The following HIRA variants were observed in gnomAD, a reference collection of about 807,000 sequenced individuals.
HIRA encodes histone cell cycle regulator.
HIRA carries 13 observed loss-of-function variants against 126.6 expected under a neutral mutation model. The ratio of observed to expected loss-of-function variants is 0.10; its 90% CI spans 0.07 to 0.16. The LOEUF is 0.16. Ranked by LOEUF, HIRA falls within the 10% of genes least tolerant of loss-of-function variation. The probability of loss-of-function intolerance (pLI) is 1.00; values close to 1 mark genes in which losing one functional copy is unlikely to be tolerated. For missense variants in HIRA, 834 were observed against 1,314.4 expected (o/e 0.63, Z 5.65); for synonymous variants, 511 against 520.0 (o/e 0.98, Z 0.24).
chr22:19,375,228 C>A (rs1569299745), intron 15 of HIRA, among the ~76,000 whole-genome samples: 1 of 152,228 alleles, frequency 6.6e-6, no homozygotes, highest in African/African-American at 2.4e-5. Flanking sequence ...TACCTCTGGT[C>A]AGTTTCTGAG....
At chr22:19,367,144 G>C (rs1184964137) in intron 15 of HIRA, among the ~76,000 whole-genome samples, 3 of 152,054 alleles carry the variant, frequency 2.0e-5, no homozygotes, top group Non-Finnish European at 2.9e-5. Context: ...ATTTCTGATT[G>C]TATTTATTTA....
chr22:19,388,822 C>T (rs919663176), intron 9 of HIRA, among the ~76,000 whole-genome samples: 2 of 152,202 alleles, frequency 1.3e-5, no homozygotes, highest in Non-Finnish European at 2.9e-5. Context: ...AGATAACTAG[C>T]AACAGAGAAG....
At chr22:19,391,831 T>C (rs2089185407) in intron 9 of HIRA, among the ~76,000 whole-genome samples, 1 of 152,182 alleles carries the variant, frequency 6.6e-6, no homozygotes, top group South Asian at 2.1e-4. Context: ...CTCATGGCAT[T>C]GACCACTGAG....
At chr22:19,361,427 G>A (rs2088862914) in intron 16 of HIRA, 86 bp from the exon 17 acceptor site, 2 of 1,150,666 alleles carry the variant, frequency 1.7e-6, no homozygotes, top group Non-Finnish European at 2.6e-6. Context: ...AAGTGAGGCT[G>A]AGCCTGCGAC....
At chr22:19,392,061 C>T (rs1198151069) in intron 9 of HIRA, 40 bp downstream of exon 9, 3 of 1,233,200 alleles carry the variant, frequency 2.4e-6, no homozygotes, top group Non-Finnish European at 3.5e-6. Flanking sequence ...CCAACCTACA[C>T]CTCCCGTCCT....
At position 19,385,378 on chromosome 22, in the gene HIRA, G is replaced by A. The variant is rs959887397; in HGVS notation, c.1329+143C>T. 2.4e-5 allele frequency: 17 copies of A among 719,294 alleles called. No individual in the cohort carries two copies. In the Admixed American group the frequency reaches 2.9e-4, roughly 12 times the overall value. The allele number at this position is 719,294 out of a possible 1,614,324, so 44.6% of individuals were successfully genotyped here. Reference sequence around the variant, plus strand: ...ACTGCATCATGCAGCAGTGGGCAAGGGGCCAACAGGCCCGAGGCTGGCTAA... The same window carrying A: ...ACTGCATCATGCAGCAGTGGGCAAGAGGCCAACAGGCCCGAGGCTGGCTAA... On this transcript the variant is annotated intron_variant, in intron 12 of 24. Transcript: ENST00000263208.
intron 15 of HIRA, among the ~76,000 whole-genome samples, chr22:19,365,134 T>C (rs1382348155): frequency 6.6e-6 from 1 of 152,254 alleles, no homozygotes; most frequent in Non-Finnish European, 1.5e-5. Context: ...AGTCTGAAGC[T>C]AGCAGAGGTT....
At chr22:19,429,929 C>G (rs932107315) in intron 1 of HIRA, among the ~76,000 whole-genome samples, 1 of 152,162 alleles carries the variant, frequency 6.6e-6, no homozygotes, top group Non-Finnish European at 1.5e-5. Context: ...TTCATAATTA[C>G]AATATTTGTC....
chr22:19,410,974 G>A (rs2089347357), intron 1 of HIRA, among the ~76,000 whole-genome samples, 196 bp from the exon 2 acceptor site: 1 of 152,226 alleles, frequency 6.6e-6, no homozygotes, highest in South Asian at 2.1e-4. Flanking sequence ...GCATTTGTCT[G>A]CCATCTTGTA....
At chr22:19,385,357 C>T (rs2089116976) in intron 12 of HIRA, among the ~76,000 whole-genome samples, 164 bp downstream of exon 12, 1 of 152,244 alleles carries the variant, frequency 6.6e-6, no homozygotes, top group East Asian at 1.9e-4. Flanking sequence ...CCCATTACTG[C>T]ATCATGCAGC....
chr22:19,413,947 G>T (rs1240406290), intron 1 of HIRA, among the ~76,000 whole-genome samples: 1 of 152,074 alleles, frequency 6.6e-6, no homozygotes, highest in Admixed American at 6.6e-5. Flanking sequence ...GCTCTCTGAG[G>T]TGGAGCTAAG....
In HIRA at chr22:19,375,615, T is replaced by C; in HGVS notation, c.1775+16A>G. On this transcript the variant is annotated intron_variant, in intron 15 of 24. Transcript: ENST00000263208. ...CACCCTGCCTGGTCCTTCAGGGTCC[T>C]GCAGCTACCACCTACCTTTCCACAG... 1 of 1,613,814 alleles carries C rather than the reference T, an allele frequency of 6.2e-7. No individual in the cohort carries two copies. The highest frequency in any genetic ancestry group is 1.1e-5 in the South Asian group (1 of 91,060).
At chr22:19,337,964 G>A (rs544834135) in intron 24 of HIRA, among the ~76,000 whole-genome samples, 3 of 152,188 alleles carry the variant, frequency 2.0e-5, no homozygotes, top group African/African-American at 7.2e-5. Context: ...GATAATTTTT[G>A]TATTTTTATT....
At chr22:19,423,606 C>T (rs9618565) in intron 1 of HIRA, among the ~76,000 whole-genome samples, 12,624 of 151,942 alleles carry the variant, frequency 0.083, 1,761 homozygotes, top group African/African-American at 0.29. Context: ...TGCAGCAGAC[C>T]TGGAGTCTGC....
intron 24 of HIRA, among the ~76,000 whole-genome samples, chr22:19,340,169 C>T (rs1478696683): frequency 6.6e-6 from 1 of 152,124 alleles, no homozygotes; most frequent in Non-Finnish European, 1.5e-5. Context: ...AAAGATAATA[C>T]ACCATGATCA....
At chr22:19,353,235 G>A (rs1432330730) in intron 23 of HIRA, 121 bp downstream of exon 23, 1 of 1,222,936 alleles carries the variant, frequency 8.2e-7, no homozygotes, top group Non-Finnish European at 1.2e-6. Context: ...TGCAGCTCAG[G>A]CTGGGAGGTA....
At chr22:19,426,942 T>C (rs1027269229) in intron 1 of HIRA, among the ~76,000 whole-genome samples, 9 of 152,190 alleles carry the variant, frequency 5.9e-5, no homozygotes, top group Non-Finnish European at 8.8e-5. Context: ...TGTCACATAT[T>C]TAGTAAGCAG....
intron 1 of HIRA, among the ~76,000 whole-genome samples, chr22:19,419,504 C>G (rs2089426536): frequency 6.6e-6 from 1 of 152,162 alleles, no homozygotes; most frequent in Non-Finnish European, 1.5e-5. Flanking sequence ...GATTATTTCC[C>G]CAATGTGGCA....
intron 1 of HIRA, among the ~76,000 whole-genome samples, chr22:19,421,609 G>A (rs1261654076): frequency 6.6e-6 from 1 of 152,140 alleles, no homozygotes; most frequent in Non-Finnish European, 1.5e-5. Context: ...GTCTTACTGA[G>A]CTCAGTAGAT....
Sources: gnomAD v4.1 joint callset for allele counts (sites outside exome capture counted in the v4.1 genomes callset) on GRCh38, gnomAD v4.1.1 for gene constraint, MANE v1.5 for transcripts, NCBI Gene and HGNC (gene_info 2026-07-23, HGNC 2026-07-21) for gene names.